The following EBF3 variants were observed in gnomAD, a reference collection of about 807,000 sequenced individuals.
EBF3 encodes the protein EBF transcription factor 3.
A neutral mutation model predicts 77.1 loss-of-function variants in EBF3; 18 were observed. The observed-to-expected ratio is 0.23, with a 90% CI of 0.16 to 0.35. The LOEUF (loss-of-function observed/expected upper bound fraction) is 0.35. Among genes scored for constraint, EBF3 ranks in the 10% least tolerant of loss-of-function variants. The pLI, the probability that EBF3 is intolerant of heterozygous loss-of-function variation, is 1.00. For synonymous variants in EBF3, 350 were observed against 343.5 expected (o/e 1.02, Z -0.21); for missense variants, 558 against 860.0 (o/e 0.65, Z 4.39).
intron 6 of EBF3, among the ~76,000 whole-genome samples, chr10:129,882,860 C>T (rs556445750): frequency 2.0e-5 from 3 of 152,328 alleles, no homozygotes; most frequent in South Asian, 2.1e-4. Flanking sequence ...ATTAATACAG[C>T]CCATCCTCAC....
chr10:129,857,774 A>C lies in EBF3; in HGVS notation c.1040-9294T>G, dbSNP rs991371168. ...GCCGGGTGGGCAGGTATGTCACCCC[A>C]CCTGATACCCCCACCATGAGCGCCT... On this transcript the variant is annotated intron_variant, in intron 10 of 16. Coordinates refer to ENST00000440978, the MANE Select transcript of EBF3 (RefSeq NM_001375380.1). Among the ~76,000 whole-genome samples the C allele has an allele frequency of 1.2e-3, 188 of 152,004 alleles. 1 individual carries two copies. Among genetic ancestry groups the C allele is most frequent in the African/African-American group, 4.3e-3 (179 of 41,490 alleles).
chr10:129,891,369 C>T (rs543124194), intron 6 of EBF3, among the ~76,000 whole-genome samples: 8 of 152,268 alleles, frequency 5.3e-5, no homozygotes, highest in East Asian at 1.9e-4. Flanking sequence ...ATAAGCTATT[C>T]GCACTTCCTC....
At chr10:129,912,902 A>G (rs1158252004) in intron 6 of EBF3, among the ~76,000 whole-genome samples, 2 of 152,258 alleles carry the variant, frequency 1.3e-5, no homozygotes, top group South Asian at 2.1e-4. Flanking sequence ...ACAAGAAAGC[A>G]GTACTGAGTG....
At position 129,952,120 on chromosome 10, in the gene EBF3, A is replaced by G. The variant is rs1465062314; in HGVS notation, c.554+5138T>C. The stretch of plus-strand genomic sequence containing the variant: ...AATACTTTCCCTTCACTGAAGGCCC[A>G]ATGTATTAAAACAGACCCTGAACCA... On this transcript the variant is annotated intron_variant, in intron 6 of 16. Transcript: ENST00000440978. The surrounding 1 kb of genome is among the most constrained non-coding windows in gnomAD (Gnocchi z 4.7). Among the ~76,000 whole-genome samples, 2 of 152,224 alleles carry G rather than the reference A, an allele frequency of 1.3e-5. No individual in the cohort carries two copies. The highest frequency in any genetic ancestry group is 2.9e-5 in the Non-Finnish European group (2 of 68,046).
In EBF3 at chr10:129,943,086, G is replaced by A. The variant is rs574217440; in HGVS notation, c.554+14172C>T. Among the ~76,000 whole-genome samples the A allele has an allele frequency of 1.1e-4, 16 of 152,278 alleles. No individual in the cohort carries two copies. Among genetic ancestry groups the A allele is most frequent in the South Asian group, 6.2e-4 (3 of 4,826 alleles). ...CCATTCTAAACCACTTTGCCTGCAC[G>A]ATGGGAATGACTGGATCACTCCACC... On this transcript the variant is annotated intron_variant, in intron 6 of 16. Transcript: ENST00000440978. This position sits in a 1 kb window ranked among gnomAD's most constrained non-coding sequence, Gnocchi z 8.8.
At chr10:129,860,800 AT>A (rs1851575927) in intron 10 of EBF3, among the ~76,000 whole-genome samples, 1 of 152,234 alleles carries the variant, frequency 6.6e-6, no homozygotes, top group Non-Finnish European at 1.5e-5. Context: ...CTCACCAATC[AT>A]TTTTAACATG....
chr10:129,951,950 C>T (rs1305392322), intron 6 of EBF3, among the ~76,000 whole-genome samples: 4 of 152,250 alleles, frequency 2.6e-5, no homozygotes, highest in Non-Finnish European at 5.9e-5. Flanking sequence ...TTTTGCCTCT[C>T]CCTACTGGCG....
chr10:129,843,272 G>T (rs987544250), intron 11 of EBF3, 70 bp from the exon 12 acceptor site: 1 of 1,511,010 alleles, frequency 6.6e-7, no homozygotes, highest in Non-Finnish European at 9.0e-7. Flanking sequence ...TTCAGTACCA[G>T]TTCCGTCTGC....
chr10:129,838,058 T>A (rs999089813), intron 16 of EBF3, 98 bp from the exon 17 acceptor site: 1 of 1,437,284 alleles, frequency 7.0e-7, no homozygotes, highest in Non-Finnish European at 9.7e-7. Context: ...CCTATTCAAC[T>A]GGGAGGCTGG....
chr10:129,937,219 G>A (rs903098433), intron 6 of EBF3, among the ~76,000 whole-genome samples: 4 of 152,130 alleles, frequency 2.6e-5, no homozygotes, highest in African/African-American at 9.7e-5. Context: ...GGGCCGGGTC[G>A]ACAAGGGAAA....
At chr10:129,873,001 C>T (rs1056426843) in intron 8 of EBF3, among the ~76,000 whole-genome samples, 12 of 151,964 alleles carry the variant, frequency 7.9e-5, no homozygotes, top group African/African-American at 2.9e-4. Flanking sequence ...TGTGTGAACA[C>T]GCACATACAC....
rs539328545 is a variant in EBF3, at chr10:129,848,876, G to T, written c.1040-396C>A. Among the ~76,000 whole-genome samples the T allele has an allele frequency of 6.6e-6, 1 of 152,196 alleles. No individual in the cohort carries two copies. Among genetic ancestry groups the T allele is most frequent in the African/African-American group, 2.4e-5 (1 of 41,450 alleles). On this transcript the variant is annotated intron_variant, in intron 10 of 16. Coordinates refer to ENST00000440978, the MANE Select transcript of EBF3 (RefSeq NM_001375380.1). This position sits in a 1 kb window ranked among gnomAD's most constrained non-coding sequence, Gnocchi z 4.4. Reference sequence around the variant, plus strand: ...CAATTATGACATATGTCCAGCTATTGCTAGCCTCAGATTTATCCCTGTGGT... The same window carrying T: ...CAATTATGACATATGTCCAGCTATTTCTAGCCTCAGATTTATCCCTGTGGT...
chr10:129,920,356 T>G (rs1365896522), intron 6 of EBF3, among the ~76,000 whole-genome samples: 1 of 151,818 alleles, frequency 6.6e-6, no homozygotes, highest in Non-Finnish European at 1.5e-5. Flanking sequence ...CCCGCCCCGC[T>G]GTGCGGTCTA....
At chr10:129,873,711 C>T (rs1852565940) in intron 7 of EBF3, 115 bp from the exon 8 acceptor site, 1 of 1,155,580 alleles carries the variant, frequency 8.7e-7, no homozygotes, top group Admixed American at 3.3e-5. Context: ...TTCACGTGTT[C>T]CTGGACACTG....
chr10:129,871,756 T>G (rs1009989867), intron 8 of EBF3, among the ~76,000 whole-genome samples: 72 of 152,346 alleles, frequency 4.7e-4, no homozygotes, highest in African/African-American at 1.4e-3. Flanking sequence ...CCCTACTATT[T>G]ATGACAAATG....
intron 5 of EBF3, among the ~76,000 whole-genome samples, chr10:129,958,391 G>A (rs1188552906): frequency 2.0e-5 from 3 of 152,164 alleles, no homozygotes; most frequent in East Asian, 3.9e-4. Flanking sequence ...GAAAAAACAG[G>A]TGGGAAATTG....
chr10:129,955,543 A>C (rs1858973628), intron 6 of EBF3, among the ~76,000 whole-genome samples: 1 of 152,232 alleles, frequency 6.6e-6, no homozygotes, highest in South Asian at 2.1e-4. Context: ...CAACATTCAG[A>C]CGAGAATTAA....
In EBF3 at chr10:129,943,330, G is replaced by A. The variant is rs1473987075; in HGVS notation, c.554+13928C>T. 6.6e-6 allele frequency among the ~76,000 whole-genome samples: 1 copy of A among 152,122 alleles called. No homozygotes were observed. The highest frequency in any genetic ancestry group is 2.4e-5 in the African/African-American group (1 of 41,452). ...ACAGTTAAAGAAGCAAATTGGATTT[G>A]CCCTATCACAAAAAAAATTAATTCC... is the stretch of plus-strand genomic sequence containing the variant. On this transcript the variant is annotated intron_variant, in intron 6 of 16. Transcript: ENST00000440978. This position sits in a 1 kb window ranked among gnomAD's most constrained non-coding sequence, Gnocchi z 8.8.
chr10:129,940,350 CT>C (rs1388367215), intron 6 of EBF3, among the ~76,000 whole-genome samples: 1 of 152,164 alleles, frequency 6.6e-6, no homozygotes, highest in Admixed American at 6.5e-5. Flanking sequence ...GCAGAGCCCC[CT>C]AGCCCTCTCA....
Sources: allele counts gnomAD v4.1 joint callset (sites outside exome capture counted in the v4.1 genomes callset), GRCh38; gene constraint gnomAD v4.1.1; non-coding constraint Gnocchi (gnomAD v3.1); transcripts MANE v1.5; gene names NCBI Gene and HGNC (gene_info 2026-07-23, HGNC 2026-07-21).